Variants in ST3GAL3 observed in about 807,000 individuals in gnomAD.
The protein encoded by ST3GAL3 is CMP-N-acetylneuraminate-beta-1,4-galactoside alpha-2,3-sialyltransferase.
ST3GAL3 carries 21 observed loss-of-function variants against 50.1 expected under a neutral mutation model. That is an observed-to-expected ratio of 0.42 (90% CI 0.30 to 0.60). The LOEUF is 0.60. Among genes scored for constraint, ST3GAL3 ranks in the 20% least tolerant of loss-of-function variants. ST3GAL3 has a pLI of 0.19. For synonymous variants in ST3GAL3, 183 were observed against 190.0 expected (o/e 0.96, Z 0.30); for missense variants, 353 against 489.4 (o/e 0.72, Z 2.63).
chr1:43,773,063 T>TA (rs533613972), intron 2 of ST3GAL3, among the ~76,000 whole-genome samples: 143 of 152,274 alleles, frequency 9.4e-4, no homozygotes, highest in African/African-American at 3.4e-3. Flanking sequence ...CAAATTTTTT[T>TA]AAAAAAATCA....
At chr1:43,847,847 A>C (rs917065540) in intron 5 of ST3GAL3, among the ~76,000 whole-genome samples, 1 of 152,326 alleles carries the variant, frequency 6.6e-6, no homozygotes, top group South Asian at 2.1e-4. Context: ...AAATTCTTTT[A>C]TATTTACTCA....
chr1:43,741,469 A>G (rs141784270), intron 2 of ST3GAL3, among the ~76,000 whole-genome samples: 1 of 152,360 alleles, frequency 6.6e-6, no homozygotes, highest in Admixed American at 6.5e-5. Context: ...TATAAAGTAC[A>G]CATTGTTGAT....
chr1:43,813,516 T>C (rs1433100935), intron 3 of ST3GAL3, among the ~76,000 whole-genome samples: 1 of 152,238 alleles, frequency 6.6e-6, no homozygotes, highest in Non-Finnish European at 1.5e-5. Flanking sequence ...TTTCACTTGC[T>C]CAAGGCCATT....
intron 2 of ST3GAL3, among the ~76,000 whole-genome samples, chr1:43,767,399 C>T (rs1471471472): frequency 6.6e-6 from 1 of 151,996 alleles, no homozygotes; most frequent in East Asian, 1.9e-4. Flanking sequence ...AAAGGTCCTT[C>T]TTTATATGTC....
At chr1:43,865,522 C>T (rs975519934) in intron 5 of ST3GAL3, among the ~76,000 whole-genome samples, 1 of 152,144 alleles carries the variant, frequency 6.6e-6, no homozygotes, top group African/African-American at 2.4e-5. Flanking sequence ...TATTTGGCAC[C>T]ATGCTGGGTA....
chr1:43,744,422 G>A (rs1278149260), intron 2 of ST3GAL3, among the ~76,000 whole-genome samples: 1 of 151,814 alleles, frequency 6.6e-6, no homozygotes, highest in African/African-American at 2.4e-5. Flanking sequence ...GCTAATTTTT[G>A]TAGAGACGGG....
intron 6 of ST3GAL3, among the ~76,000 whole-genome samples, chr1:43,897,840 A>C (rs1356844843): frequency 6.6e-6 from 1 of 152,178 alleles, no homozygotes; most frequent in African/African-American, 2.4e-5. Context: ...GATAAGTACA[A>C]GGTGGTCTCT....
At chr1:43,905,387 C>T (rs1427581334) in intron 9 of ST3GAL3, among the ~76,000 whole-genome samples, 2 of 116,674 alleles carry the variant, frequency 1.7e-5, no homozygotes, top group Admixed American at 8.2e-5. Flanking sequence ...ACCACTCTTC[C>T]TCCCCCTCCC....
chr1:43,760,538 G>A (rs1689882638), intron 2 of ST3GAL3, among the ~76,000 whole-genome samples: 1 of 152,168 alleles, frequency 6.6e-6, no homozygotes, highest in South Asian at 2.1e-4. Context: ...GGTGGATCAC[G>A]AAGTCAGGAG....
intron 2 of ST3GAL3, among the ~76,000 whole-genome samples, chr1:43,757,274 TA>T (rs1688487493): frequency 6.6e-6 from 1 of 152,182 alleles, no homozygotes; most frequent in South Asian, 2.1e-4. Context: ...TTTTTGTCTT[TA>T]AAAAATTTTT....
At chr1:43,903,355 C>T (rs887596371) in intron 9 of ST3GAL3, among the ~76,000 whole-genome samples, 2 of 152,220 alleles carry the variant, frequency 1.3e-5, no homozygotes, top group Non-Finnish European at 2.9e-5. Flanking sequence ...TCAGGCCCTG[C>T]CCTCTTGCCT....
At chr1:43,863,827 T>A (rs569749203) in intron 5 of ST3GAL3, among the ~76,000 whole-genome samples, 8 of 152,134 alleles carry the variant, frequency 5.3e-5, no homozygotes, top group Non-Finnish European at 1.0e-4. Flanking sequence ...CATGCTTGCA[T>A]CAGTACCTCA....
chr1:43,851,058 C>A (rs1335977110), intron 5 of ST3GAL3: 4 of 857,818 alleles, frequency 4.7e-6, no homozygotes, highest in Non-Finnish European at 8.1e-6. Context: ...GTGCCATGTC[C>A]ACCATGAGAT....
rs201323621 is a variant in ST3GAL3, at chr1:43,734,092, CAG to C, written c.-30-2138_-30-2137del. Reference sequence around the variant, plus strand: ...TGCCATTGCACTCCAGCCTGGGCGACAGAGGGAAACTCCATCTCGGGGGGTAA... The same window carrying C: ...TGCCATTGCACTCCAGCCTGGGCGACAGGGAAACTCCATCTCGGGGGGTAA... On this transcript the variant is annotated intron_variant, in intron 1 of 11. Coordinates refer to ENST00000347631, the MANE Select transcript of ST3GAL3 (RefSeq NM_006279.5). Among the ~76,000 whole-genome samples, 586 of 151,940 alleles carry C rather than the reference CAG, an allele frequency of 3.9e-3. 5 individuals carry two copies. Among genetic ancestry groups the C allele is most frequent in the African/African-American group, 0.013 (554 of 41,450 alleles).
intron 4 of ST3GAL3, among the ~76,000 whole-genome samples, chr1:43,836,931 C>G (rs906366270): frequency 3.3e-4 from 50 of 151,344 alleles, no homozygotes; most frequent in African/African-American, 1.1e-3. Context: ...GATTAGAACA[C>G]AAGTCTTCTG....
intron 4 of ST3GAL3, among the ~76,000 whole-genome samples, chr1:43,830,399 A>C (rs1320757534): frequency 6.6e-6 from 1 of 152,124 alleles, no homozygotes; most frequent in Non-Finnish European, 1.5e-5. Flanking sequence ...TCTATACCAT[A>C]GTATGTATGT....
At chr1:43,789,507 T>C (rs1191620833) in intron 2 of ST3GAL3, among the ~76,000 whole-genome samples, 1 of 152,138 alleles carries the variant, frequency 6.6e-6, no homozygotes, top group African/African-American at 2.4e-5. Context: ...AATAAAGCTG[T>C]TTTTAAAAGC....
intron 4 of ST3GAL3, among the ~76,000 whole-genome samples, chr1:43,831,247 T>A (rs1316430647): frequency 6.6e-6 from 1 of 152,176 alleles, no homozygotes; most frequent in East Asian, 1.9e-4. Flanking sequence ...TTTTCTCTTG[T>A]CAAAAATGAA....
chr1:43,880,886 G>T (rs1022803788), intron 5 of ST3GAL3, among the ~76,000 whole-genome samples: 1 of 152,198 alleles, frequency 6.6e-6, no homozygotes, highest in Non-Finnish European at 1.5e-5. Flanking sequence ...CAGGAATGCA[G>T]TAAGAACTCA....
Sources: allele counts gnomAD v4.1 joint callset (sites outside exome capture counted in the v4.1 genomes callset), GRCh38; gene constraint gnomAD v4.1.1; transcripts MANE v1.5; gene names NCBI Gene and HGNC (gene_info 2026-07-23, HGNC 2026-07-21).